FMN1: variants seen among roughly 807,000 people sequenced by gnomAD.
FMN1 encodes the protein formin-1.
A neutral mutation model predicts 132.4 loss-of-function variants in FMN1; 110 were observed. The observed-to-expected ratio is 0.83, with a 90% CI of 0.71 to 0.97. The LOEUF (loss-of-function observed/expected upper bound fraction) is 0.97. FMN1 is among the 50% of genes least tolerant of loss of function. FMN1 has a pLI of 0.00. For synonymous variants in FMN1, 722 were observed against 651.7 expected, an observed-to-expected ratio of 1.11 and a Z score of -1.64; for missense variants, 1,792 against 1,705.3, an observed-to-expected ratio of 1.05 and a Z score of -0.90.
rs1042021535 is a variant in FMN1 at position 32,941,763 on chromosome 15, G to A, written c.3139-15502C>T. On this transcript the variant is annotated intron_variant, in intron 9 of 20. Coordinates refer to ENST00000616417, the MANE Select transcript of FMN1 (RefSeq NM_001277313.2). ...TCTTTTTCTGCTCTCAGGGAAGGTAGGAAACAGCTGGTCACCATCCCCTAC... is the reference window on the plus strand; with the variant it reads ...TCTTTTTCTGCTCTCAGGGAAGGTAAGAAACAGCTGGTCACCATCCCCTAC... Among the ~76,000 whole-genome samples, 5 of 152,062 alleles carry A rather than the reference G, an allele frequency of 3.3e-5. No individual in the cohort carries two copies. The East Asian group carries it at 9.7e-4, about 29-fold the overall frequency.
At chr15:33,124,331 C>T (rs1315853335) in intron 4 of FMN1, among the ~76,000 whole-genome samples, 3 of 152,210 alleles carry the variant, frequency 2.0e-5, no homozygotes, top group Non-Finnish European at 4.4e-5. Flanking sequence ...CAGCGTCTTG[C>T]TGTGCTGTTA....
At chr15:33,192,619 G>T (rs191778247) in intron 2 of FMN1, among the ~76,000 whole-genome samples, 17 of 152,300 alleles carry the variant, frequency 1.1e-4, no homozygotes, top group African/African-American at 3.8e-4. Flanking sequence ...CCAAACACAG[G>T]TGGCTTCAAT....
At chr15:33,128,346 C>T (rs1963320211) in intron 4 of FMN1, among the ~76,000 whole-genome samples, 1 of 152,156 alleles carries the variant, frequency 6.6e-6, no homozygotes, top group Admixed American at 6.5e-5. Flanking sequence ...CGGGCCTGAT[C>T]CTTGACGATC....
chr15:32,819,443 CTGGTCACTAACTTTATTCTGGCATA>C (rs1447149789), intron 17 of FMN1, among the ~76,000 whole-genome samples: 1 of 152,188 alleles, frequency 6.6e-6, no homozygotes, highest in African/African-American at 2.4e-5. Context: ...GTTTTTATGG[CTGGTCACTAACTTTATTCTGGCATA>C]TGGTGGTTGG....
In FMN1 at chr15:32,901,995, G is replaced by T. The variant is rs1222194797; in HGVS notation, c.3423C>A (p.Ala1141=). The T allele has an allele frequency of 2.5e-6, 4 of 1,612,734 alleles. No homozygotes were observed. Among genetic ancestry groups the T allele is most frequent in the Non-Finnish European group, 3.4e-6 (4 of 1,179,264 alleles). Residue 1141 remains alanine (A), a synonymous_variant, in exon 13 of 21, where the codon GCC becomes GCA. Coordinates refer to ENST00000616417, the MANE Select transcript of FMN1 (RefSeq NM_001277313.2). ...LAQIPNFAER[A]QCIIFRSVFS... is the part of the protein sequence containing the mutation. ...AGACAGATCTGAAGATTATGCACTG[G>T]GCACGTTCAGCAAAATTAGGAATCT...
At chr15:33,110,027 T>C (rs144539710) in intron 4 of FMN1, among the ~76,000 whole-genome samples, 270 of 152,196 alleles carry the variant, frequency 1.8e-3, no homozygotes, top group Non-Finnish European at 3.1e-3. Flanking sequence ...AGTGCACGAA[T>C]ACTCTTCAGG....
intron 4 of FMN1, among the ~76,000 whole-genome samples, chr15:33,102,246 T>C (rs1431428054): frequency 6.6e-6 from 1 of 152,124 alleles, no homozygotes; most frequent in Non-Finnish European, 1.5e-5. Context: ...TCCAGAAGCA[T>C]TCATACTCAA....
At chr15:32,862,396 A>C (rs537335254) in intron 16 of FMN1, among the ~76,000 whole-genome samples, 7 of 152,338 alleles carry the variant, frequency 4.6e-5, no homozygotes, top group African/African-American at 1.7e-4. Flanking sequence ...GAAGTTAGTT[A>C]CTACTAAGTG....
chr15:33,050,959 C>T (rs1391162149), intron 6 of FMN1, among the ~76,000 whole-genome samples: 1 of 152,162 alleles, frequency 6.6e-6, no homozygotes, highest in Non-Finnish European at 1.5e-5. Flanking sequence ...CATCTTAGAA[C>T]AGATTTTATA....
intron 7 of FMN1, among the ~76,000 whole-genome samples, chr15:32,993,061 C>T (rs1250511475): frequency 6.6e-6 from 1 of 152,178 alleles, no homozygotes; most frequent in African/African-American, 2.4e-5. Context: ...GTAAGGGATG[C>T]TTCATTCTCC....
At chr15:33,098,873 C>CT (rs546413970) in intron 4 of FMN1, among the ~76,000 whole-genome samples, 316 of 152,238 alleles carry the variant, frequency 2.1e-3, no homozygotes, top group African/African-American at 7.3e-3. Context: ...TTGGTAAGGG[C>CT]TTTCTACTGT....
At chr15:33,127,086 G>C (rs1484608848) in intron 4 of FMN1, among the ~76,000 whole-genome samples, 1 of 152,212 alleles carries the variant, frequency 6.6e-6, no homozygotes, top group Non-Finnish European at 1.5e-5. Flanking sequence ...CACTGTATCA[G>C]GAGCTGGTTG....
In FMN1 at chr15:32,926,273, A is replaced by AG; in HGVS notation, c.3139-13_3139-12insC. On this transcript the variant is annotated splice_polypyrimidine_tract_variant and intron_variant, in intron 9 of 20. Coordinates refer to ENST00000616417, the MANE Select transcript of FMN1 (RefSeq NM_001277313.2). ...AACAATTTGATGATCTAAAATTAGA[A>AG]AAAAAAAAAAAAGAATACAAGCTCA... 2 of 1,195,458 alleles carry AG rather than the reference A, an allele frequency of 1.7e-6. No homozygotes were observed. Among genetic ancestry groups the AG allele is most frequent in the African/African-American group, 3.3e-5 (2 of 61,052 alleles). The allele number at this position is 1,195,458 out of a possible 1,614,324, so 74.1% of individuals were successfully genotyped here. A position where few individuals can be genotyped will look rare whatever the true frequency, so the allele number is the denominator to read the frequency against.
At chr15:33,170,554 A>G (rs1965280351) in intron 3 of FMN1, among the ~76,000 whole-genome samples, 1 of 140,076 alleles carries the variant, frequency 7.1e-6, no homozygotes, top group South Asian at 2.2e-4. Flanking sequence ...CAACTCAACA[A>G]TAAAAAAAAA....
chr15:32,910,232 G>A (rs1488811900), intron 11 of FMN1, among the ~76,000 whole-genome samples: 1 of 152,168 alleles, frequency 6.6e-6, no homozygotes, highest in Non-Finnish European at 1.5e-5. Flanking sequence ...CACGTAAATG[G>A]TGTCCACCTG....
At chr15:33,137,162 A>G (rs942388871) in intron 4 of FMN1, among the ~76,000 whole-genome samples, 1 of 151,508 alleles carries the variant, frequency 6.6e-6, no homozygotes, top group African/African-American at 2.4e-5. Context: ...AGAGAATCTG[A>G]TAACAATGTA....
intron 17 of FMN1, among the ~76,000 whole-genome samples, chr15:32,827,893 G>C (rs2141139576): frequency 6.6e-6 from 1 of 151,558 alleles, no homozygotes; most frequent in East Asian, 1.9e-4. Context: ...CTTTATAGCA[G>C]AGGTCCAGAA....
intron 7 of FMN1, among the ~76,000 whole-genome samples, chr15:32,972,885 A>C (rs775462566): frequency 2.6e-5 from 4 of 152,120 alleles, no homozygotes; most frequent in Non-Finnish European, 5.9e-5. Flanking sequence ...CCGAACCCCA[A>C]TGTGTTCCTC....
intron 17 of FMN1, among the ~76,000 whole-genome samples, chr15:32,846,957 G>A (rs2058871113): frequency 6.6e-6 from 1 of 152,112 alleles, no homozygotes; most frequent in Non-Finnish European, 1.5e-5. Context: ...ATTCACAAGG[G>A]GCTATACATA....
Sources: allele counts gnomAD v4.1 joint callset (sites outside exome capture counted in the v4.1 genomes callset), GRCh38; gene constraint gnomAD v4.1.1; transcripts MANE v1.5; gene names NCBI Gene and HGNC (gene_info 2026-07-23, HGNC 2026-07-21).